SSC4D: variants seen among roughly 807,000 people sequenced by gnomAD.
The protein encoded by SSC4D is scavenger receptor cysteine-rich domain-containing group B protein.
In SSC4D, 57 loss-of-function variants were observed where a neutral mutation model predicts 63.4. The ratio of observed to expected loss-of-function variants is 0.90; its 90% CI spans 0.73 to 1.12. The LOEUF is 1.12. Ranked by LOEUF, SSC4D falls within the 50% of genes most tolerant of loss-of-function variation. The probability of loss-of-function intolerance (pLI) is 0.00; values close to 1 mark genes in which losing one functional copy is unlikely to be tolerated. For synonymous variants in SSC4D, 352 were observed against 345.4 expected (o/e 1.02, Z -0.21); for missense variants, 791 against 806.4 (o/e 0.98, Z 0.23).
At position 76,393,318 on chromosome 7, in the gene SSC4D, A is replaced by G. The variant is rs953565683; in HGVS notation, c.1333+87T>C. On this transcript the variant is annotated intron_variant, in intron 9 of 10. Coordinates refer to ENST00000275560, the MANE Select transcript of SSC4D (RefSeq NM_080744.2). ...GCTCCCCGGGCGGCAGTGCCGCAAG[A>G]GAGGCCTCGCGCGTGGCGCCGCCCC... The G allele has an allele frequency of 4.8e-6, 6 of 1,248,420 alleles. No homozygotes were observed. In the Admixed American group the frequency reaches 1.7e-4, roughly 35 times the overall value. The allele number at this position is 1,248,420 out of a possible 1,614,324, so 77.3% of individuals were successfully genotyped here. A position where few individuals can be genotyped will look rare whatever the true frequency, so the allele number is the denominator to read the frequency against.
Position 76,395,266 on chromosome 7 carries a change from CT to C in SSC4D, c.932del (p.Gln311ArgfsTer110). 1 of 1,613,896 alleles carries C rather than the reference CT, an allele frequency of 6.2e-7. No individual in the cohort carries two copies. Among genetic ancestry groups the C allele is most frequent in the Non-Finnish European group, 8.5e-7 (1 of 1,180,032 alleles). Reference sequence around the variant, plus strand: ...TGAGCTCTTTACCGGACGGATCTGTCTGCCAAGCCCAGTCCTCTCTTGTGGC... The same window carrying C: ...TGAGCTCTTTACCGGACGGATCTGTCGCCAAGCCCAGTCCTCTCTTGTGGC... ...SSATREDWAW[Q>X]TDPSATGVGP... On this transcript the variant is annotated frameshift_variant, in exon 7 of 11. Transcript: ENST00000275560. LOFTEE classifies it high-confidence loss of function.
intron 4 of SSC4D, 42 bp from the exon 5 acceptor site, chr7:76,398,839 C>A: frequency 1.2e-6 from 2 of 1,601,774 alleles, no homozygotes; most frequent in Non-Finnish European, 1.7e-6. Context: ...TTTCTGTTCT[C>A]CATCCTCACA....
At chr7:76,400,919 G>C in intron 3 of SSC4D, 89 bp downstream of exon 3, 1 of 1,511,402 alleles carries the variant, frequency 6.6e-7, no homozygotes, top group Non-Finnish European at 9.0e-7. Context: ...AGGGGGGCTG[G>C]TTAGTCATCA....
chr7:76,405,339 CTTTTTTT>C (rs1193527373), intron 1 of SSC4D, among the ~76,000 whole-genome samples: 3 of 21,386 alleles, frequency 1.4e-4, no homozygotes, highest in East Asian at 2.5e-3. Context: ...TTCTTTCTTT[CTTTTTTT>C]TTTTTTTTTT....
intron 1 of SSC4D, 98 bp from the exon 2 acceptor site, chr7:76,404,603 G>A (rs1804939852): frequency 1.0e-6 from 1 of 953,068 alleles, no homozygotes; most frequent in Non-Finnish European, 1.6e-6. Flanking sequence ...ATCAGCCTGG[G>A]CAACATAGTG....
chr7:76,397,800 TCGCGCC>T lies in SSC4D; in HGVS notation c.580_585del (p.Gly194_Ala195del), dbSNP rs754676788. Reference sequence around the variant, plus strand: ...ATCTCCACTCGGCCCTGACACAGGTTCGCGCCCCCTACCAGGCGTACGCTGCCCTCA... The same window carrying T: ...ATCTCCACTCGGCCCTGACACAGGTTCCCTACCAGGCGTACGCTGCCCTCA... On this transcript the variant is annotated inframe_deletion, in exon 6 of 11. Coordinates refer to ENST00000275560, the MANE Select transcript of SSC4D (RefSeq NM_080744.2). 6.2e-7 allele frequency: 1 copy of T among 1,600,628 alleles called. No individual in the cohort carries two copies. The highest frequency in any genetic ancestry group is 8.5e-7 in the Non-Finnish European group (1 of 1,171,644).
chr7:76,404,620 C>G (rs1432409540), intron 1 of SSC4D, 115 bp from the exon 2 acceptor site: 2 of 799,214 alleles, frequency 2.5e-6, no homozygotes, highest in Non-Finnish European at 3.9e-6. Flanking sequence ...AGTGAGACCC[C>G]CATCTCTACA....
In SSC4D at chr7:76,390,516, A is replaced by G; in HGVS notation, c.1412-141T>C. ...CGCTAGATGAAGGCAGACACATGAA[A>G]TTAAAGTAAGATTGGCGCTGGCTGG... On this transcript the variant is annotated intron_variant, in intron 10 of 10. Transcript: ENST00000275560. 6 of 785,656 alleles carry G rather than the reference A, an allele frequency of 7.6e-6. No individual in the cohort carries two copies. The South Asian group carries it at 1.2e-4, about 15-fold the overall frequency. The allele number at this position is 785,656 out of a possible 1,614,324, so 48.7% of individuals were successfully genotyped here. A position where few individuals can be genotyped will look rare whatever the true frequency, so the allele number is the denominator to read the frequency against.
At chr7:76,398,899 C>T (rs1477602179) in intron 4 of SSC4D, 102 bp from the exon 5 acceptor site, 1 of 1,201,948 alleles carries the variant, frequency 8.3e-7, no homozygotes, top group Admixed American at 2.1e-5. Context: ...GTGCTTGCCG[C>T]CAGAGCCTCT....
rs1804930124 is a variant in SSC4D, at chr7:76,404,376, A to G, written c.64T>C (p.Leu22=). 1.2e-6 allele frequency: 2 copies of G among 1,613,700 alleles called. No homozygotes were observed. The highest frequency in any genetic ancestry group is 1.7e-6 in the Non-Finnish European group (2 of 1,179,868). ...GGAGGGGCAGCACTCCCATCTCCCA[A>G]CCTCCACCCCCAGCGCTTCTCATCC... The part of the protein sequence containing the change: ...QLDEKRWGWR[L]GDGSAAPPFL... Residue 22 remains leucine (L), a synonymous_variant, in exon 2 of 11, where the codon TTG becomes CTG. Transcript: ENST00000275560.
rs1288561447 is a variant in SSC4D, at chr7:76,393,583, C to T, written c.1155G>A (p.Ala385=). Residue 385 remains alanine (A), a synonymous_variant, in exon 9 of 11, where the codon GCG becomes GCA. Transcript: ENST00000275560. ...FADARVACRE[A]GCGPALGATG... ...TAGCGCCCAGCGCAGGCCCGCAGCCCGCTTCGCGGCAGGCCACGCGCGCGT... is the reference window on the plus strand; with the variant it reads ...TAGCGCCCAGCGCAGGCCCGCAGCCTGCTTCGCGGCAGGCCACGCGCGCGT... 4 of 1,510,752 alleles carry T rather than the reference C, an allele frequency of 2.6e-6. No individual in the cohort carries two copies. Among genetic ancestry groups the T allele is most frequent in the Admixed American group, 2.1e-5 (1 of 48,350 alleles). 93.6% of individuals were successfully genotyped at this position (1,510,752 alleles called of 1,614,324 possible).
intron 2 of SSC4D, among the ~76,000 whole-genome samples, chr7:76,403,852 C>A (rs983705195): frequency 1.4e-5 from 2 of 147,210 alleles, no homozygotes; most frequent in Admixed American, 6.8e-5. Flanking sequence ...AGTAGGGACG[C>A]GGGTTTCACC....
chr7:76,400,559 G>T lies in SSC4D; in HGVS notation c.202C>A (p.Arg68=). 2 of 1,497,632 alleles carry T rather than the reference G, an allele frequency of 1.3e-6. No homozygotes were observed. The highest frequency in any genetic ancestry group is 1.4e-5 in the African/African-American group (1 of 71,170). The allele number at this position is 1,497,632 out of a possible 1,614,324, so 92.8% of individuals were successfully genotyped here. The change falls in exon 4 of 11, where the codon CGG becomes AGG. Residue 68 remains arginine, a synonymous_variant. Coordinates refer to ENST00000275560, the MANE Select transcript of SSC4D (RefSeq NM_080744.2). Reference sequence around the variant, plus strand: ...CCGTGCATGACTTCCAGGCGGCCCCGGCAGCGGCTGGGGCCCCCCACCAGC... The same window carrying T: ...CCGTGCATGACTTCCAGGCGGCCCCTGCAGCGGCTGGGGCCCCCCACCAGC... ...LRLVGGPSRC[R]GRLEVMHGGS...
At chr7:76,400,946 G>C (rs1279211183) in intron 3 of SSC4D, 62 bp downstream of exon 3, 8 of 1,548,506 alleles carry the variant, frequency 5.2e-6, no homozygotes, top group Admixed American at 2.0e-5. Flanking sequence ...GTGGTTCCCT[G>C]TCTGAGGCTG....
Position 76,404,184 on chromosome 7 carries a change from T to A in SSC4D, c.133+123A>T, listed in dbSNP as rs200052262. ...CTCTTTTGTCAACTCTGGGCAAAGGTCAGCATTGGAAAGAACAACAGGAAC... is the reference window on the plus strand; with the variant it reads ...CTCTTTTGTCAACTCTGGGCAAAGGACAGCATTGGAAAGAACAACAGGAAC... On this transcript the variant is annotated intron_variant, in intron 2 of 10. Coordinates refer to ENST00000275560, the MANE Select transcript of SSC4D (RefSeq NM_080744.2). The A allele has an allele frequency of 3.3e-5, 44 of 1,351,946 alleles. No homozygotes were observed. The East Asian group carries it at 1.1e-3, about 35-fold the overall frequency. 83.7% of individuals were successfully genotyped at this position (1,351,946 alleles called of 1,614,324 possible).
At chr7:76,391,758 TC>T (rs1804498421) in intron 10 of SSC4D, among the ~76,000 whole-genome samples, 2 of 152,182 alleles carry the variant, frequency 1.3e-5, no homozygotes, top group Admixed American at 1.3e-4. Flanking sequence ...TCTAGAAATC[TC>T]CAGATTGCTG....
chr7:76,393,957 CCTG>C, intron 7 of SSC4D, 53 bp from the exon 8 acceptor site: 1 of 1,531,806 alleles, frequency 6.5e-7, no homozygotes, highest in Non-Finnish European at 8.8e-7. Flanking sequence ...GGCCTTCTGT[CCTG>C]CAGCAGGGCA....
At chr7:76,401,128 G>A in intron 2 of SSC4D, 85 bp from the exon 3 acceptor site, 8 of 1,444,534 alleles carry the variant, frequency 5.5e-6, no homozygotes, top group Non-Finnish European at 6.4e-6. Flanking sequence ...AACTCCCACA[G>A]TCCTCAACAT....
In SSC4D at chr7:76,389,365, C is replaced by A. The variant is rs1804443083; in HGVS notation, c.*694G>T. On this transcript the variant is annotated 3_prime_UTR_variant, in exon 11 of 11. Transcript: ENST00000275560. ...GAGACGGGGGACAATGCTTTATTGACTTGGCACCTATGAACTGGTGGCTAC... is the reference window on the plus strand; with the variant it reads ...GAGACGGGGGACAATGCTTTATTGAATTGGCACCTATGAACTGGTGGCTAC... 6.5e-6 allele frequency: 1 copy of A among 152,696 alleles called. No homozygotes were observed. Among genetic ancestry groups the A allele is most frequent in the African/African-American group, 2.4e-5 (1 of 41,454 alleles). 9.5% of individuals were successfully genotyped at this position (152,696 alleles called of 1,614,324 possible).
Sources: gnomAD v4.1 joint callset for allele counts (sites outside exome capture counted in the v4.1 genomes callset) on GRCh38, gnomAD v4.1.1 for gene constraint, MANE v1.5 for transcripts, NCBI Gene and HGNC (gene_info 2026-07-23, HGNC 2026-07-21) for gene names.